The following PRDM1 variants were observed in gnomAD, a reference collection of about 807,000 sequenced individuals.
The protein encoded by PRDM1 is PR domain zinc finger protein 1.
In PRDM1, 13 loss-of-function variants were observed where a neutral mutation model predicts 62.8. The ratio of observed to expected loss-of-function variants is 0.21; its 90% CI spans 0.13 to 0.33. PRDM1 has a LOEUF of 0.33. PRDM1 is among the 10% of genes least tolerant of loss of function. The pLI is 1.00. For missense variants in PRDM1, 895 were observed against 1,058.8 expected, an observed-to-expected ratio of 0.85 and a Z score of 2.15; for synonymous variants, 396 against 417.6, an observed-to-expected ratio of 0.95 and a Z score of 0.63.
In PRDM1 at chr6:106,106,303, T is replaced by G; in HGVS notation, c.1774-68T>G. On this transcript the variant is annotated intron_variant, in intron 5 of 6. Transcript: ENST00000369096. This position sits in a 1 kb window ranked among gnomAD's most constrained non-coding sequence, Gnocchi z 4.4. The stretch of plus-strand genomic sequence containing the variant: ...AGATATTTGCATCAACACTTGAGTC[T>G]TGGAGCAGAAATGTTAGGTCTCAGA... 6.3e-7 allele frequency: 1 copy of G among 1,585,382 alleles called. No individual in the cohort carries two copies. Among genetic ancestry groups the G allele is most frequent in the Non-Finnish European group, 8.6e-7 (1 of 1,161,192 alleles).
chr6:106,033,717 T>C (rs1001912231), intron 1 of PRDM1, among the ~76,000 whole-genome samples: 1 of 152,190 alleles, frequency 6.6e-6, no homozygotes, highest in African/African-American at 2.4e-5. Flanking sequence ...TCTTGTAGTG[T>C]CTTTGACTAG....
chr6:106,062,810 T>G (rs545896818), intron 1 of PRDM1, among the ~76,000 whole-genome samples: 4 of 152,282 alleles, frequency 2.6e-5, no homozygotes, highest in Non-Finnish European at 4.4e-5. Context: ...CTCTTCTGGT[T>G]GCTGATAGGA....
At chr6:106,071,133 G>A (rs568638736) in intron 1 of PRDM1, among the ~76,000 whole-genome samples, 3 of 152,138 alleles carry the variant, frequency 2.0e-5, no homozygotes, top group African/African-American at 4.8e-5. Context: ...TTAGCCAGGC[G>A]TGGTGGTGGG....
intron 1 of PRDM1, among the ~76,000 whole-genome samples, chr6:106,051,555 T>C (rs1262101936): frequency 6.6e-6 from 1 of 152,242 alleles, no homozygotes. Context: ...TCAGCTGTTA[T>C]TTTGCTTGTT....
intron 1 of PRDM1, among the ~76,000 whole-genome samples, chr6:106,074,864 C>T (rs1382743476): frequency 6.6e-6 from 1 of 152,164 alleles, no homozygotes; most frequent in African/African-American, 2.4e-5. Context: ...TTCCCAGCTA[C>T]TCAAGAGGCT....
At chr6:105,993,201 T>C (rs1772300660), upstream of PRDM1, among the ~76,000 whole-genome samples, 1 of 152,240 alleles carries the variant, frequency 6.6e-6, no homozygotes, top group Non-Finnish European at 1.5e-5. Flanking sequence ...ACTCAGTATC[T>C]TAATTTAAAG....
Position 106,104,866 on chromosome 6 carries a change from A to C in PRDM1, c.706A>C (p.Asn236His). 6.2e-7 allele frequency: 1 copy of C among 1,614,072 alleles called. No individual in the cohort carries two copies. The highest frequency in any genetic ancestry group is 8.5e-7 in the Non-Finnish European group (1 of 1,180,008). The change falls in exon 5 of 7, where the codon AAT becomes CAT. Residue 236 changes from asparagine to histidine, a missense_variant. By Grantham distance (68) the Asn-to-His change is moderately conservative. Transcript: ENST00000369096. ...TCTAAAGCAACCGAGCACTGAGAAA[A>C]ATGAACTCTGCCCAAAGAATGTCCC... ...SSLKQPSTEK[N>H]ELCPKNVPKR...
chr6:106,082,919 T>C (rs1006108936), upstream of PRDM1, among the ~76,000 whole-genome samples: 3 of 152,160 alleles, frequency 2.0e-5, no homozygotes, highest in Non-Finnish European at 4.4e-5. Flanking sequence ...ACAGGCTGCA[T>C]TGTAACATAG....
chr6:105,998,933 A>ATATTTT (rs1290453454), intron 1 of PRDM1, among the ~76,000 whole-genome samples: 1 of 6,404 alleles, frequency 1.6e-4, no homozygotes, highest in East Asian at 4.1e-3. Flanking sequence ...ATATATATAT[A>ATATTTT]TTTTTTTTTT....
intron 1 of PRDM1, among the ~76,000 whole-genome samples, chr6:106,076,498 G>C (rs1773607944): frequency 6.6e-6 from 1 of 152,090 alleles, no homozygotes; most frequent in Non-Finnish European, 1.5e-5. Context: ...TAAAAAACAT[G>C]TAAGCTGTTA....
intron 1 of PRDM1, among the ~76,000 whole-genome samples, chr6:106,005,468 C>T (rs1348078085): frequency 6.6e-6 from 1 of 152,232 alleles, no homozygotes; most frequent in Non-Finnish European, 1.5e-5. Context: ...CTTCCAATAA[C>T]TTGCCAAATC....
intron 1 of PRDM1, among the ~76,000 whole-genome samples, chr6:106,070,252 G>A (rs1161858775): frequency 6.6e-6 from 1 of 152,116 alleles, no homozygotes; most frequent in Non-Finnish European, 1.5e-5. Context: ...CCTTCTAATT[G>A]TTTTAGATGT....
At chr6:106,081,679 G>C (rs901056073), upstream of PRDM1, among the ~76,000 whole-genome samples, 1 of 152,118 alleles carries the variant, frequency 6.6e-6, no homozygotes, top group Non-Finnish European at 1.5e-5. Context: ...TTACCTTGGC[G>C]TGAAGAAAGT....
chr6:106,007,123 T>C (rs1344098802), intron 1 of PRDM1, among the ~76,000 whole-genome samples: 1 of 151,826 alleles, frequency 6.6e-6, no homozygotes, highest in East Asian at 1.9e-4. Context: ...TCTTTAGGAG[T>C]TGGTGAACCC....
At chr6:106,075,184 A>G (rs543295518) in intron 1 of PRDM1, among the ~76,000 whole-genome samples, 5 of 152,240 alleles carry the variant, frequency 3.3e-5, no homozygotes, top group African/African-American at 1.2e-4. Context: ...AGCATACCTT[A>G]TATTTTGAAA....
intron 3 of PRDM1, chr6:106,098,572 T>C (rs1299634157): frequency 5.4e-6 from 7 of 1,301,464 alleles, no homozygotes; most frequent in South Asian, 1.2e-5. Flanking sequence ...CTCCTTTGCA[T>C]TGAAAGGAAA....
At chr6:106,062,609 G>C (rs1290918873) in intron 1 of PRDM1, among the ~76,000 whole-genome samples, 1 of 152,164 alleles carries the variant, frequency 6.6e-6, no homozygotes, top group Non-Finnish European at 1.5e-5. Context: ...GCTCTAACAA[G>C]AGTTATTCCT....
chr6:106,031,235 C>T (rs1215489045), intron 1 of PRDM1, among the ~76,000 whole-genome samples: 1 of 152,046 alleles, frequency 6.6e-6, no homozygotes, highest in African/African-American at 2.4e-5. Context: ...AACTTTTGCC[C>T]ACATGGAACT....
chr6:106,087,953 T>C, intron 1 of PRDM1: 1 of 275,664 alleles, frequency 3.6e-6, no homozygotes. Context: ...TTTTTTTTCC[T>C]TTTCCCCACA....
Sources: gnomAD v4.1 joint callset for allele counts (sites outside exome capture counted in the v4.1 genomes callset) on GRCh38, gnomAD v4.1.1 for gene constraint, Gnocchi (gnomAD v3.1) non-coding constraint, MANE v1.5 for transcripts, NCBI Gene and HGNC (gene_info 2026-07-23, HGNC 2026-07-21) for gene names.